ABI1: variants seen among roughly 807,000 people sequenced by gnomAD.
ABI1 encodes abl interactor 1.
Under a neutral mutation model 54.6 loss-of-function variants are expected in ABI1, and 14 were observed. The ratio of observed to expected loss-of-function variants is 0.26; its 90% CI spans 0.17 to 0.40. The LOEUF (loss-of-function observed/expected upper bound fraction) is 0.40. Among genes scored for constraint, ABI1 ranks in the 10% least tolerant of loss-of-function variants. The pLI, the probability that ABI1 is intolerant of heterozygous loss-of-function variation, is 1.00. For synonymous variants in ABI1, 194 were observed against 209.3 expected (o/e 0.93, Z 0.63); for missense variants, 443 against 598.3 (o/e 0.74, Z 2.71).
chr10:26,811,998 A>C (rs534868251), intron 2 of ABI1, among the ~76,000 whole-genome samples: 48 of 152,306 alleles, frequency 3.2e-4, no homozygotes, highest in African/African-American at 1.1e-3. Flanking sequence ...CTTCGAGATT[A>C]TGGTGACTAC....
intron 2 of ABI1, among the ~76,000 whole-genome samples, chr10:26,810,743 G>A (rs1436991367): frequency 2.0e-5 from 3 of 152,094 alleles, no homozygotes; most frequent in South Asian, 2.1e-4. Context: ...AGATTAACTC[G>A]TCTGATGGCA....
At chr10:26,826,417 TG>T (rs1442445818) in intron 1 of ABI1, among the ~76,000 whole-genome samples, 1 of 152,316 alleles carries the variant, frequency 6.6e-6, no homozygotes, top group East Asian at 1.9e-4. Flanking sequence ...TTGGTTGTTC[TG>T]GTTAAAGAGC....
chr10:26,746,869 T>A lies in ABI1; in HGVS notation c.*1701A>T, dbSNP rs890534103. ...AAGTCTGCATTGAAGTCCACATGAG[T>A]TATATTTTAACAGTATCCAAAATTT... On this transcript the variant is annotated 3_prime_UTR_variant, in exon 11 of 11. Coordinates refer to ENST00000376140, the MANE Select transcript of ABI1 (RefSeq NM_001012750.3). 1.2e-5 allele frequency: 4 copies of A among 329,806 alleles called. No homozygotes were observed. The highest frequency in any genetic ancestry group is 2.3e-5 in the Non-Finnish European group (4 of 175,170). The allele number at this position is 329,806 out of a possible 1,614,324, so 20.4% of individuals were successfully genotyped here. A position where few individuals can be genotyped will look rare whatever the true frequency, so the allele number is the denominator to read the frequency against.
chr10:26,766,778 T>C (rs147428928), intron 6 of ABI1, among the ~76,000 whole-genome samples: 146 of 152,350 alleles, frequency 9.6e-4, no homozygotes, highest in Non-Finnish European at 1.6e-3. Flanking sequence ...TTTTACTACC[T>C]GTGAGTTAAG....
At chr10:26,809,671 C>T (rs1036304849) in intron 2 of ABI1, among the ~76,000 whole-genome samples, 1 of 152,118 alleles carries the variant, frequency 6.6e-6, no homozygotes, top group Non-Finnish European at 1.5e-5. Context: ...TACCTGACAA[C>T]AATTCATTAA....
chr10:26,823,328 A>C, intron 1 of ABI1, 23 bp from the exon 2 acceptor site: 2 of 1,481,020 alleles, frequency 1.4e-6, no homozygotes, highest in Non-Finnish European at 1.8e-6. Flanking sequence ...CAAAAACAAC[A>C]AATACTTATT....
In ABI1 at chr10:26,770,522, C is replaced by T. The variant is rs532445114; in HGVS notation, c.478-177G>A. On this transcript the variant is annotated intron_variant, in intron 4 of 10. Coordinates refer to ENST00000376140, the MANE Select transcript of ABI1 (RefSeq NM_001012750.3). Reference sequence around the variant, plus strand: ...AAGGAACCACTTGCACTTGGTCTTCCTATTATTTTATGCCATTTATATCAC... The same window carrying T: ...AAGGAACCACTTGCACTTGGTCTTCTTATTATTTTATGCCATTTATATCAC... 12 of 758,178 alleles carry T rather than the reference C, an allele frequency of 1.6e-5. No homozygotes were observed. The African/African-American group carries it at 1.7e-4, about 11-fold the overall frequency. The allele number at this position is 758,178 out of a possible 1,614,324, so 47.0% of individuals were successfully genotyped here.
chr10:26,759,395 G>A (rs906878734), intron 7 of ABI1, among the ~76,000 whole-genome samples, 157 bp from the exon 8 acceptor site: 1 of 151,740 alleles, frequency 6.6e-6, no homozygotes, highest in Admixed American at 6.6e-5. Context: ...ATAAAAATCA[G>A]TAACTTTATC....
intron 9 of ABI1, among the ~76,000 whole-genome samples, chr10:26,752,356 T>A (rs1158075058): frequency 6.6e-6 from 1 of 152,176 alleles, no homozygotes; most frequent in African/African-American, 2.4e-5. Context: ...GATTTTCTAC[T>A]CTGTTATTTA....
intron 2 of ABI1, among the ~76,000 whole-genome samples, chr10:26,809,783 A>G: frequency 6.6e-6 from 1 of 152,118 alleles, no homozygotes; most frequent in African/African-American, 2.4e-5. Context: ...TAGACACTGA[A>G]GCCTGGTGGA....
At chr10:26,822,369 T>C (rs1269349622) in intron 2 of ABI1, among the ~76,000 whole-genome samples, 1 of 151,602 alleles carries the variant, frequency 6.6e-6, no homozygotes, top group Non-Finnish European at 1.5e-5. Context: ...CAGAGGTACT[T>C]ACCCAAAAGA....
At chr10:26,755,767 G>T in intron 8 of ABI1, 26 bp from the exon 9 acceptor site, 1 of 1,482,546 alleles carries the variant, frequency 6.7e-7, no homozygotes, top group Non-Finnish European at 9.3e-7. Context: ...CAGTATGGGG[G>T]AAGTAAAACA....
At chr10:26,785,169 G>A (rs1024561053) in intron 2 of ABI1, among the ~76,000 whole-genome samples, 1 of 152,224 alleles carries the variant, frequency 6.6e-6, no homozygotes, top group Non-Finnish European at 1.5e-5. Flanking sequence ...AGTGACAAAT[G>A]AAGTTGCATA....
Position 26,748,372 on chromosome 10 carries a change from C to T in ABI1, c.*198G>A. On this transcript the variant is annotated 3_prime_UTR_variant, in exon 11 of 11. Coordinates refer to ENST00000376140, the MANE Select transcript of ABI1 (RefSeq NM_001012750.3). ...AAGCATAATCAGTTATGGACAGCTT[C>T]TTGTATAAATTGCTATTCAGCAATA... The T allele has an allele frequency of 4.2e-6, 2 of 480,864 alleles. No homozygotes were observed. The highest frequency in any genetic ancestry group is 4.2e-5 in the South Asian group (1 of 23,626). 29.8% of individuals were successfully genotyped at this position (480,864 alleles called of 1,614,324 possible). A position where few individuals can be genotyped will look rare whatever the true frequency, so the allele number is the denominator to read the frequency against.
Position 26,769,079 on chromosome 10 carries a change from C to T in ABI1, c.579-87G>A, listed in dbSNP as rs145382743. The T allele has an allele frequency of 4.1e-4, 397 of 976,974 alleles. 1 individual carries two copies. The highest frequency in any genetic ancestry group is 4.0e-3 in the Middle Eastern group (11 of 2,764). The allele number at this position is 976,974 out of a possible 1,614,324, so 60.5% of individuals were successfully genotyped here. ...AAAATATGTGAGTCTCCCTTTGTGA[C>T]CATGTATACCAGGATTTAAAAATAT... On this transcript the variant is annotated intron_variant, in intron 5 of 10. Transcript: ENST00000376140.
intron 1 of ABI1, among the ~76,000 whole-genome samples, chr10:26,830,839 G>C (rs2048622923): frequency 6.6e-6 from 1 of 152,140 alleles, no homozygotes; most frequent in South Asian, 2.1e-4. Flanking sequence ...AAATCATAAT[G>C]TTTTCAAGTG....
At chr10:26,792,681 A>G (rs1382907071) in intron 2 of ABI1, among the ~76,000 whole-genome samples, 1 of 152,230 alleles carries the variant, frequency 6.6e-6, no homozygotes, top group Non-Finnish European at 1.5e-5. Flanking sequence ...TGGTAAACAA[A>G]TGTTCTAAAG....
At chr10:26,788,428 T>G (rs16927334) in intron 2 of ABI1, among the ~76,000 whole-genome samples, 35,217 of 152,152 alleles carry the variant, frequency 0.23, 4,631 homozygotes, top group African/African-American at 0.35. Context: ...GAATCTTATT[T>G]ATCAAACTAC....
chr10:26,790,046 T>A (rs1363215870), intron 2 of ABI1, among the ~76,000 whole-genome samples: 2 of 152,236 alleles, frequency 1.3e-5, no homozygotes, highest in African/African-American at 4.8e-5. Context: ...ATGGGACATT[T>A]AGATTGATTC....
Sources: allele counts gnomAD v4.1 joint callset (sites outside exome capture counted in the v4.1 genomes callset), GRCh38; gene constraint gnomAD v4.1.1; transcripts MANE v1.5; gene names NCBI Gene and HGNC (gene_info 2026-07-23, HGNC 2026-07-21).